SLC5A9: variants seen among roughly 807,000 people sequenced by gnomAD.
The protein encoded by SLC5A9 is sodium/glucose cotransporter 4.
A neutral mutation model predicts 70.9 loss-of-function variants in SLC5A9; 59 were observed. That is an observed-to-expected ratio of 0.83 (90% confidence interval 0.68 to 1.03). The LOEUF is 1.03. SLC5A9 is among the 50% of genes least tolerant of loss of function. SLC5A9 has a pLI of 0.00. For synonymous variants in SLC5A9, 340 were observed against 346.5 expected (o/e 0.98, Z 0.21); for missense variants, 832 against 881.1 (o/e 0.94, Z 0.71).
At chr1:48,223,746 G>T (rs888823622) in intron 1 of SLC5A9, among the ~76,000 whole-genome samples, 3 of 152,150 alleles carry the variant, frequency 2.0e-5, no homozygotes, top group Admixed American at 6.5e-5. Context: ...ATAAAGGGGG[G>T]TGAACAGTCC....
chr1:48,244,876 G>GTATATATATATATA (rs1553132196), intron 13 of SLC5A9, among the ~76,000 whole-genome samples: 1 of 11,494 alleles, frequency 8.7e-5, no homozygotes, highest in Non-Finnish European at 1.9e-4. Flanking sequence ...GTATGTGTAT[G>GTATATATATATATA]TGTATATATA....
At position 48,239,555 on chromosome 1, in the gene SLC5A9, A is replaced by G. The variant is rs1294545182; in HGVS notation, c.1677+18A>G. On this transcript the variant is annotated intron_variant, in intron 12 of 13. Coordinates refer to ENST00000438567, the MANE Select transcript of SLC5A9 (RefSeq NM_001011547.3). This position sits in a 1 kb window ranked among gnomAD's most constrained non-coding sequence, Gnocchi z 4.2. ...AGGAACAGGCAAGTGTTGTGCTCAT[A>G]CTGAGGCCCTCCAGAAATGCTCTCC... The G allele has an allele frequency of 6.2e-7, 1 of 1,608,320 alleles. No homozygotes were observed. The highest frequency in any genetic ancestry group is 8.5e-7 in the Non-Finnish European group (1 of 1,174,772).
In SLC5A9 at chr1:48,242,594, C is replaced by A. The variant is rs1399208153; in HGVS notation, c.1815C>A (p.Ser605Arg). 8.1e-6 allele frequency: 13 copies of A among 1,611,682 alleles called. No homozygotes were observed. The highest frequency in any genetic ancestry group is 1.1e-5 in the Non-Finnish European group (13 of 1,179,046). The change falls in exon 13 of 14, where the codon AGC becomes AGA. Residue 605 changes from serine (S) to arginine (R), a missense_variant. By Grantham distance (110) the Ser-to-Arg change is moderately radical (BLOSUM62 -1). Transcript: ENST00000438567. Reference protein sequence around the residue: ...PAGGGAAENSSLGQEQPEAPS... With the variant: ...PAGGGAAENSRLGQEQPEAPS... ...GAGGTGGAGCGGCAGAGAACTCGAG[C>A]CTGGGCCAGGAGCAGCCTGAAGGTA...
At position 48,239,183 on chromosome 1, in the gene SLC5A9, C is replaced by T. The variant is rs956380750; in HGVS notation, c.1462-139C>T. ...ACGAAGTCTCAGTATTAATGGAGAA[C>T]TCATTTTCCCATTAGTAGATGGATT... On this transcript the variant is annotated intron_variant, in intron 11 of 13. Transcript: ENST00000438567. The surrounding 1 kb of genome is among the most constrained non-coding windows in gnomAD (Gnocchi z 4.2). 1.5e-6 allele frequency: 1 copy of T among 650,100 alleles called. No individual in the cohort carries two copies. The highest frequency in any genetic ancestry group is 2.0e-5 in the South Asian group (1 of 50,206). The allele number at this position is 650,100 out of a possible 1,614,324, so 40.3% of individuals were successfully genotyped here. A position where few individuals can be genotyped will look rare whatever the true frequency, so the allele number is the denominator to read the frequency against.
intron 2 of SLC5A9, among the ~76,000 whole-genome samples, chr1:48,225,780 TCA>T (rs568995540): frequency 7.0e-4 from 107 of 152,012 alleles, no homozygotes; most frequent in Non-Finnish European, 1.4e-3. Flanking sequence ...TCTCACGCAC[TCA>T]CACTCTCACT....
intron 4 of SLC5A9, among the ~76,000 whole-genome samples, chr1:48,230,342 G>A: frequency 6.6e-6 from 1 of 152,136 alleles, no homozygotes; most frequent in Admixed American, 6.5e-5. Context: ...CTCCCTTCAT[G>A]TCCAGCAGAC....
chr1:48,226,559 G>A (rs1478505741), intron 2 of SLC5A9, among the ~76,000 whole-genome samples: 1 of 152,236 alleles, frequency 6.6e-6, no homozygotes, highest in African/African-American at 2.4e-5. Context: ...AACCAGCTCT[G>A]GGTAGGGAAA....
chr1:48,244,878 G>GTATGTGTATATA lies in SLC5A9; in HGVS notation c.1837+2265_1837+2266insGTGTATATATAT, dbSNP rs1553132215. Among the ~76,000 whole-genome samples, 2 of 29,418 alleles carry GTATGTGTATATA rather than the reference G, an allele frequency of 6.8e-5. 1 individual carries two copies. Among genetic ancestry groups the GTATGTGTATATA allele is most frequent in the African/African-American group, 1.7e-4 (2 of 11,880 alleles). 19.3% of individuals were successfully genotyped at this position (29,418 alleles called of 152,430 possible). ...TGTGTGTGTGTATGTATGTGTATGT[G>GTATGTGTATATA]TATATATATATATATATATATATAT... On this transcript the variant is annotated intron_variant, in intron 13 of 13. Coordinates refer to ENST00000438567, the MANE Select transcript of SLC5A9 (RefSeq NM_001011547.3).
intron 10 of SLC5A9, 144 bp downstream of exon 10, chr1:48,236,023 C>A (rs1184214415): frequency 7.8e-6 from 7 of 891,750 alleles, no homozygotes; most frequent in Non-Finnish European, 1.2e-5. Context: ...CACATGATTT[C>A]AAGTAAGTCC....
rs768716366 is a variant in SLC5A9, at chr1:48,235,838, C to G, written c.1251C>G (p.Phe417Leu). ...TLFTIDVWQRFRRKSTEQELM... is the reference protein window; with the variant it reads ...TLFTIDVWQRLRRKSTEQELM... ...TCACCATTGATGTGTGGCAGCGCTTCCGCAGGAAGTCAACAGAGCAGGAGC... is the reference window on the plus strand; with the variant it reads ...TCACCATTGATGTGTGGCAGCGCTTGCGCAGGAAGTCAACAGAGCAGGAGC... Residue 417 changes from phenylalanine (F) to leucine (L), a missense_variant, in exon 10 of 14, where the codon TTC (phenylalanine) becomes TTG (leucine). Physicochemically the swap from Phe to Leu is conservative, Grantham distance 22. Coordinates refer to ENST00000438567, the MANE Select transcript of SLC5A9 (RefSeq NM_001011547.3). 6.2e-7 allele frequency: 1 copy of G among 1,614,088 alleles called. No homozygotes were observed.
In SLC5A9 at chr1:48,244,874, A is replaced by ATG. The variant is rs1213238481; in HGVS notation, c.1837+2262_1837+2263dup. On this transcript the variant is annotated intron_variant, in intron 13 of 13. Transcript: ENST00000438567. ...AACCTGTGTGTGTGTATGTATGTGT[A>ATG]TGTGTATATATATATATATATATAT... 1.6e-3 allele frequency among the ~76,000 whole-genome samples: 39 copies of ATG among 24,370 alleles called. 9 individuals are homozygous for ATG. Among genetic ancestry groups the ATG allele is most frequent in the Admixed American group, 7.3e-3 (8 of 1,102 alleles). The allele number at this position is 24,370 out of a possible 152,430, so 16.0% of individuals were successfully genotyped here.
intron 13 of SLC5A9, among the ~76,000 whole-genome samples, chr1:48,244,820 T>A (rs1301353408): frequency 8.3e-6 from 1 of 120,898 alleles, no homozygotes; most frequent in African/African-American, 3.4e-5. Context: ...AAATTATATT[T>A]ATATTATATA....
chr1:48,236,929 A>G (rs1298405539), intron 10 of SLC5A9, among the ~76,000 whole-genome samples: 1 of 152,170 alleles, frequency 6.6e-6, no homozygotes, highest in Non-Finnish European at 1.5e-5. Flanking sequence ...GCAAAATGGG[A>G]GGAAAAGGAG....
At chr1:48,242,165 C>T (rs1033647778) in intron 12 of SLC5A9, 18 of 484,520 alleles carry the variant, frequency 3.7e-5, no homozygotes, top group Non-Finnish European at 6.2e-5. Flanking sequence ...TGTCCAGCCT[C>T]ATTTGCCTCA....
At chr1:48,246,068 A>AAT (rs1288325345) in intron 13 of SLC5A9, among the ~76,000 whole-genome samples, 1 of 152,076 alleles carries the variant, frequency 6.6e-6, no homozygotes, top group African/African-American at 2.4e-5. Flanking sequence ...TTTAGATACG[A>AAT]ATTTATTGAG....
chr1:48,247,635 A>G lies in SLC5A9; in HGVS notation c.*92A>G. On this transcript the variant is annotated 3_prime_UTR_variant, in exon 14 of 14. Coordinates refer to ENST00000438567, the MANE Select transcript of SLC5A9 (RefSeq NM_001011547.3). ...GCTCTCCTCTTACTTTGCTGTCTAAACTGGAGATCACAGAAGTCAAGACTG... is the reference window on the plus strand; with the variant it reads ...GCTCTCCTCTTACTTTGCTGTCTAAGCTGGAGATCACAGAAGTCAAGACTG... 7.7e-7 allele frequency: 1 copy of G among 1,302,380 alleles called. No homozygotes were observed. The highest frequency in any genetic ancestry group is 1.1e-6 in the Non-Finnish European group (1 of 904,114). 80.7% of individuals were successfully genotyped at this position (1,302,380 alleles called of 1,614,324 possible).
chr1:48,233,741 G>A lies in SLC5A9; in HGVS notation c.1120G>A (p.Val374Ile), dbSNP rs781756895. ...TTCCAACATTGCCTACCCTAAGTTG[G>A]TCATGGCCCTCATGCCTGTTGGTGA... ...GCSNIAYPKL[V>I]MALMPVGLRG... The change falls in exon 9 of 14, where the codon GTC becomes ATC. Residue 374 changes from valine (V) to isoleucine (I), a missense_variant. Val to Ile is a conservative substitution (Grantham distance 29). Transcript: ENST00000438567. 22 of 1,613,778 alleles carry A rather than the reference G, an allele frequency of 1.4e-5. No individual in the cohort carries two copies. Among genetic ancestry groups the A allele is most frequent in the Admixed American group, 1.0e-4 (6 of 59,974 alleles).
chr1:48,236,027 T>A, intron 10 of SLC5A9, 148 bp downstream of exon 10: 3 of 873,148 alleles, frequency 3.4e-6, no homozygotes, highest in Non-Finnish European at 5.3e-6. Context: ...TGATTTCAAG[T>A]AAGTCCTTCG....
intron 2 of SLC5A9, among the ~76,000 whole-genome samples, chr1:48,225,154 A>G (rs1644126682): frequency 6.6e-6 from 1 of 152,142 alleles, no homozygotes; most frequent in Non-Finnish European, 1.5e-5. Flanking sequence ...AGCAGGGGGC[A>G]CTCACCAGAG....
Sources: allele counts gnomAD v4.1 joint callset (sites outside exome capture counted in the v4.1 genomes callset), GRCh38; gene constraint gnomAD v4.1.1; non-coding constraint Gnocchi (gnomAD v3.1); transcripts MANE v1.5; gene names NCBI Gene and HGNC (gene_info 2026-07-23, HGNC 2026-07-21).